CDH22: variants seen among roughly 807,000 people sequenced by gnomAD.
CDH22 encodes cadherin-22.
In CDH22, 30 loss-of-function variants were observed where a neutral mutation model predicts 58.4. The observed-to-expected ratio is 0.51, with a 90% CI of 0.38 to 0.70. CDH22 has a LOEUF of 0.70. CDH22 is among the 30% of genes least tolerant of loss of function. CDH22 has a pLI of 0.00. For synonymous variants in CDH22, 513 were observed against 558.2 expected (o/e 0.92, Z 1.14); for missense variants, 1,014 against 1,233.9 (o/e 0.82, Z 2.67).
intron 10 of CDH22, among the ~76,000 whole-genome samples, chr20:46,179,466 C>T (rs901904270): frequency 5.3e-5 from 8 of 152,300 alleles, no homozygotes; most frequent in East Asian, 1.9e-4. Flanking sequence ...AGGAGCCCTA[C>T]GAAGGTCTGA....
rs2086030177 is a variant in CDH22 at position 46,210,173 on chromosome 20, C to G, written c.1286+134G>C. ...CTCTCCACCCGTGCGCCTCTCTCCG[C>G]GCCTCCCTCCCCCACGCAGCCCCTT... On this transcript the variant is annotated intron_variant, in intron 7 of 11. Transcript: ENST00000537909. This position sits in a 1 kb window ranked among gnomAD's most constrained non-coding sequence, Gnocchi z 4.5. The G allele has an allele frequency of 2.1e-6, 2 of 941,218 alleles. No homozygotes were observed. The highest frequency in any genetic ancestry group is 8.5e-5 in the Admixed American group (2 of 23,494). 58.3% of individuals were successfully genotyped at this position (941,218 alleles called of 1,614,324 possible).
At chr20:46,196,402 C>G (rs2085902824) in intron 8 of CDH22, among the ~76,000 whole-genome samples, 2 of 152,030 alleles carry the variant, frequency 1.3e-5, no homozygotes, top group Non-Finnish European at 2.9e-5. Flanking sequence ...GCCTCCCCAG[C>G]AGCTGGGAGT....
At chr20:46,291,488 G>A (rs1048924153) in intron 1 of CDH22, among the ~76,000 whole-genome samples, 15 of 152,210 alleles carry the variant, frequency 9.9e-5, no homozygotes, top group Non-Finnish European at 2.1e-4. Flanking sequence ...AGTTGCATAA[G>A]ATCCCATAGC....
Position 46,241,989 on chromosome 20 carries a change from C to G in CDH22, c.256-732G>C, listed in dbSNP as rs567453444. Among the ~76,000 whole-genome samples the G allele has an allele frequency of 2.0e-5, 3 of 152,240 alleles. No individual in the cohort carries two copies. In the South Asian group the frequency reaches 6.2e-4, roughly 32 times the overall value. ...TCCACTGCTCCCTAGACTCTGCACC[C>G]CAGGAGATTGGGGTGGCATCTTCCT... On this transcript the variant is annotated intron_variant, in intron 2 of 11. Coordinates refer to ENST00000537909, the MANE Select transcript of CDH22 (RefSeq NM_021248.3). The surrounding 1 kb of genome is among the most constrained non-coding windows in gnomAD (Gnocchi z 5.2).
At chr20:46,290,724 G>A (rs2086597630) in intron 1 of CDH22, among the ~76,000 whole-genome samples, 1 of 152,170 alleles carries the variant, frequency 6.6e-6, no homozygotes, top group Admixed American at 6.5e-5. Context: ...AGAAGGAGGA[G>A]AGGGCCAGCC....
At chr20:46,248,921 C>G (rs1035306885) in intron 2 of CDH22, among the ~76,000 whole-genome samples, 1 of 152,184 alleles carries the variant, frequency 6.6e-6, no homozygotes, top group East Asian at 1.9e-4. Flanking sequence ...CCCTCTGTTA[C>G]TTTGGTTTCT....
intron 1 of CDH22, among the ~76,000 whole-genome samples, chr20:46,276,697 G>A (rs540530915): frequency 3.9e-5 from 6 of 152,314 alleles, no homozygotes; most frequent in African/African-American, 7.2e-5. Flanking sequence ...TAATGACGAC[G>A]TTGGACTTTC....
chr20:46,200,875 T>C (rs2085955625), intron 7 of CDH22, among the ~76,000 whole-genome samples: 1 of 151,882 alleles, frequency 6.6e-6, no homozygotes, highest in South Asian at 2.1e-4. Flanking sequence ...GGCCGCGGCG[T>C]GGACACGCCC....
At chr20:46,189,619 C>T (rs1428495606) in intron 8 of CDH22, among the ~76,000 whole-genome samples, 1 of 152,208 alleles carries the variant, frequency 6.6e-6, no homozygotes, top group Non-Finnish European at 1.5e-5. Context: ...AGCACCTTTG[C>T]TTTGGGCTAT....
intron 1 of CDH22, among the ~76,000 whole-genome samples, chr20:46,265,945 T>TAC (rs10536307): frequency 0.056 from 8,349 of 148,070 alleles, 479 homozygotes; most frequent in African/African-American, 0.15. Context: ...TTCACACAGA[T>TAC]ACACACACAC....
chr20:46,296,961 T>C (rs1378263948), intron 1 of CDH22, among the ~76,000 whole-genome samples: 1 of 152,188 alleles, frequency 6.6e-6, no homozygotes, highest in Non-Finnish European at 1.5e-5. Context: ...CAAGTCCCTC[T>C]GTCCTAAAAG....
In CDH22 at chr20:46,210,177, T is replaced by C. The variant is rs1351956794; in HGVS notation, c.1286+130A>G. On this transcript the variant is annotated intron_variant, in intron 7 of 11. Transcript: ENST00000537909. The surrounding 1 kb of genome is among the most constrained non-coding windows in gnomAD (Gnocchi z 4.5). ...CCACCCGTGCGCCTCTCTCCGCGCCTCCCTCCCCCACGCAGCCCCTTCCTT... is the reference window on the plus strand; with the variant it reads ...CCACCCGTGCGCCTCTCTCCGCGCCCCCCTCCCCCACGCAGCCCCTTCCTT... 7.1e-6 allele frequency: 7 copies of C among 985,892 alleles called. No homozygotes were observed. The highest frequency in any genetic ancestry group is 5.1e-5 in the African/African-American group (3 of 58,394). The allele number at this position is 985,892 out of a possible 1,614,324, so 61.1% of individuals were successfully genotyped here. A position where few individuals can be genotyped will look rare whatever the true frequency, so the allele number is the denominator to read the frequency against.
chr20:46,216,900 C>T lies in CDH22; in HGVS notation c.764G>A (p.Gly255Asp). Residue 255 changes from glycine (G) to aspartate (D), a missense_variant, in exon 5 of 12, where the codon GGT becomes GAT. Physicochemically the swap from Gly to Asp is moderately conservative, Grantham distance 94. Transcript: ENST00000537909. This position sits in a 1 kb window ranked among gnomAD's most constrained non-coding sequence, Gnocchi z 5.3. ...GACGGTAGTGGAGCCCGAGAGGCCA[C>T]CCAGCTGACCCGCCATGTCTGTGGC... ...IQATDMAGQL[G>D]GLSGSTTVTI... 1 of 1,611,336 alleles carries T rather than the reference C, an allele frequency of 6.2e-7. No individual in the cohort carries two copies. Among genetic ancestry groups the T allele is most frequent in the Non-Finnish European group, 8.5e-7 (1 of 1,177,970 alleles).
In CDH22 at chr20:46,300,424, G is replaced by A. The variant is rs2086646132; in HGVS notation, c.-400+7831C>T. Among the ~76,000 whole-genome samples the A allele has an allele frequency of 6.6e-6, 1 of 152,072 alleles. No individual in the cohort carries two copies. The highest frequency in any genetic ancestry group is 1.5e-5 in the Non-Finnish European group (1 of 68,022). Reference sequence around the variant, plus strand: ...GCTTCCCATCCATCAGCCTGCCCGGGCCCATCCACCTTATGTCCCCCGCCT... The same window carrying A: ...GCTTCCCATCCATCAGCCTGCCCGGACCCATCCACCTTATGTCCCCCGCCT... On this transcript the variant is annotated intron_variant, in intron 1 of 11. Transcript: ENST00000537909. The surrounding 1 kb of genome is among the most constrained non-coding windows in gnomAD (Gnocchi z 4.4).
intron 11 of CDH22, among the ~76,000 whole-genome samples, 179 bp downstream of exon 11, chr20:46,177,767 C>T (rs997647301): frequency 1.3e-5 from 2 of 152,160 alleles, no homozygotes; most frequent in Non-Finnish European, 1.5e-5. Context: ...GTGGCGGGGC[C>T]GCTCTGCACT....
At position 46,219,204 on chromosome 20, in the gene CDH22, C is replaced by T. The variant is rs117752883; in HGVS notation, c.671-2211G>A. On this transcript the variant is annotated intron_variant, in intron 4 of 11. Transcript: ENST00000537909. ...TCTGCCTAATCAAGGGTCACACAAACCATCTATCAGTGGCCTTCTCAACGC... is the reference window on the plus strand; with the variant it reads ...TCTGCCTAATCAAGGGTCACACAAATCATCTATCAGTGGCCTTCTCAACGC... 7.8e-3 allele frequency among the ~76,000 whole-genome samples: 1,181 copies of T among 152,284 alleles called. 20 individuals carry two copies. The highest frequency in any genetic ancestry group is 0.027 in the Admixed American group (410 of 15,304).
intron 1 of CDH22, among the ~76,000 whole-genome samples, chr20:46,254,993 T>A (rs1157778877): frequency 6.6e-6 from 1 of 152,020 alleles, no homozygotes; most frequent in Non-Finnish European, 1.5e-5. Context: ...AGGCCTGGAG[T>A]CAGATCCCAA....
rs760429162 is a variant in CDH22 at position 46,175,018 on chromosome 20, C to G, written c.1975G>C (p.Glu659Gln). Residue 659 changes from glutamate to glutamine, a missense_variant, in exon 12 of 12, where the codon GAG becomes CAG. By Grantham distance (29) the Glu-to-Gln change is conservative (BLOSUM62 2). Coordinates refer to ENST00000537909, the MANE Select transcript of CDH22 (RefSeq NM_021248.3). ...ACGTTGTCCCGCATGTCTTCATCCTCGTCCGAGCTCAGGTGGCTCTTGTGG... is the reference window on the plus strand; with the variant it reads ...ACGTTGTCCCGCATGTCTTCATCCTGGTCCGAGCTCAGGTGGCTCTTGTGG... ...RHHKSHLSSD[E>Q]DEDMRDNVIK... 1.2e-6 allele frequency: 2 copies of G among 1,609,856 alleles called. No homozygotes were observed. Among genetic ancestry groups the G allele is most frequent in the East Asian group, 4.5e-5 (2 of 44,706 alleles).
At chr20:46,186,060 G>A (rs1029959815) in intron 10 of CDH22, among the ~76,000 whole-genome samples, 7 of 151,850 alleles carry the variant, frequency 4.6e-5, no homozygotes, top group African/African-American at 1.7e-4. Flanking sequence ...CAAAAAATAC[G>A]AAAAGTAGCT....
Sources: allele counts gnomAD v4.1 joint callset (sites outside exome capture counted in the v4.1 genomes callset), GRCh38; gene constraint gnomAD v4.1.1; non-coding constraint Gnocchi (gnomAD v3.1); transcripts MANE v1.5; gene names NCBI Gene and HGNC (gene_info 2026-07-23, HGNC 2026-07-21).